Variants in LRRC71 observed in about 807,000 individuals in gnomAD.
The protein encoded by LRRC71 is leucine-rich repeat-containing protein 71.
LRRC71 carries 54 observed loss-of-function variants against 66.6 expected under a neutral mutation model. The observed-to-expected ratio is 0.81, with a 90% CI of 0.65 to 1.02. The LOEUF is 1.02. Ranked by LOEUF, LRRC71 falls within the 50% of genes least tolerant of loss-of-function variation. The pLI is 0.00. For synonymous variants in LRRC71, 323 were observed against 303.9 expected, an observed-to-expected ratio of 1.06 and a Z score of -0.65; for missense variants, 724 against 718.0, an observed-to-expected ratio of 1.01 and a Z score of -0.10.
chr1:156,936,113 C>A, downstream of LRRC71: 1 of 1,555,716 alleles, frequency 6.4e-7, no homozygotes, highest in Non-Finnish European at 8.9e-7. Flanking sequence ...ACCGCTTCCA[C>A]ATGTTTTGTC....
chr1:156,937,027 T>C (rs1655539909), downstream of LRRC71: 3 of 1,608,196 alleles, frequency 1.9e-6, no homozygotes, highest in Admixed American at 1.7e-5. Flanking sequence ...GGCGGGGGAA[T>C]GTCTGCTCGA....
At chr1:156,933,708 T>A (rs1292205300), downstream of LRRC71, among the ~76,000 whole-genome samples, 1 of 152,208 alleles carries the variant, frequency 6.6e-6, no homozygotes, top group Non-Finnish European at 1.5e-5. Flanking sequence ...GCTGCCTCCA[T>A]TGAGGTCACC....
chr1:156,921,096 T>C (rs972885177), intron 1 of LRRC71, 133 bp downstream of exon 1: 29 of 1,123,562 alleles, frequency 2.6e-5, no homozygotes, highest in Admixed American at 3.8e-5. Context: ...CTCGGCTTGA[T>C]AGATGTTTCA....
chr1:156,927,797 G>A lies in LRRC71; in HGVS notation c.887G>A (p.Gly296Asp), dbSNP rs1051574439. 4 of 1,613,226 alleles carry A rather than the reference G, an allele frequency of 2.5e-6. No individual in the cohort carries two copies. The highest frequency in any genetic ancestry group is 3.4e-6 in the Non-Finnish European group (4 of 1,179,744). The stretch of plus-strand genomic sequence containing the variant: ...GCCCACAACCGCATCCAGGACAAGG[G>A]CGCCCTGAAGCTGGCTGAGGTGGGT... ...SLAHNRIQDKGALKLAEVLRA... is the reference protein window; with the variant it reads ...SLAHNRIQDKDALKLAEVLRA... Residue 296 changes from glycine to aspartate, a missense_variant, in exon 8 of 15, where the codon GGC becomes GAC. Transcript: ENST00000337428.
chr1:156,938,577 G>C, the LRRC71 span: 3 of 1,529,632 alleles, frequency 2.0e-6, no homozygotes, highest in South Asian at 1.1e-5. Context: ...GGAAGGGAGA[G>C]AGAACAGGAA....
At chr1:156,930,686 A>AC in intron 12 of LRRC71, 69 bp downstream of exon 12, 1 of 1,399,310 alleles carries the variant, frequency 7.1e-7, no homozygotes, top group East Asian at 2.5e-5. Flanking sequence ...GAGACGTCTC[A>AC]CCCCAGCCCC....
intron 3 of LRRC71, 38 bp downstream of exon 3, chr1:156,924,590 C>G (rs770196563): frequency 2.6e-4 from 402 of 1,542,336 alleles, no homozygotes; most frequent in Admixed American, 3.7e-4. Context: ...AGCTCCCTCC[C>G]GCTCCCCTGG....
At chr1:156,938,532 C>T in the LRRC71 span, 1 of 1,610,006 alleles carries the variant, frequency 6.2e-7, no homozygotes, top group Non-Finnish European at 8.5e-7. Flanking sequence ...ACACCACCAC[C>T]ACCAGGAAGA....
At position 156,929,675 on chromosome 1, in the gene LRRC71, TC is replaced by T; in HGVS notation, c.1187del (p.Ser396TyrfsTer20). 6 of 1,586,568 alleles carry T rather than the reference TC, an allele frequency of 3.8e-6. No individual in the cohort carries two copies. Among genetic ancestry groups the T allele is most frequent in the Non-Finnish European group, 5.1e-6 (6 of 1,166,470 alleles). ...AGAGGAGAAGTTGGGGTCTGGGCAG[TC>T]ACCCACACAAGGAACCCCTAAGAAG... ...KKEEKLGSGQ[S>X]PTQGTPKKED... On this transcript the variant is annotated frameshift_variant, in exon 11 of 15. Transcript: ENST00000337428. LOFTEE classifies it high-confidence loss of function.
At chr1:156,937,379 T>G (rs370918950), downstream of LRRC71, 313 of 1,608,482 alleles carry the variant, frequency 1.9e-4, 1 homozygote, top group Middle Eastern at 1.5e-3. Flanking sequence ...CAGCTGAGGC[T>G]GAGGCTCTGT....
In LRRC71 at chr1:156,929,642, G is replaced by A; in HGVS notation, c.1153G>A (p.Ala385Thr). The change falls in exon 11 of 15, where the codon GCC becomes ACC. Residue 385 changes from alanine (A) to threonine (T), a missense_variant. Coordinates refer to ENST00000337428, the MANE Select transcript of LRRC71 (RefSeq NM_144702.3). Reference sequence around the variant, plus strand: ...CTTCTCACATTCTCCACAGGAATTGGCCAAGAAAGAGGAGAAGTTGGGGTC... The same window carrying A: ...CTTCTCACATTCTCCACAGGAATTGACCAAGAAAGAGGAGAAGTTGGGGTC... ...GKKKEKSWEL[A>T]KKEEKLGSGQ... is the part of the protein sequence containing the mutation. 1 of 1,584,302 alleles carries A rather than the reference G, an allele frequency of 6.3e-7. No individual in the cohort carries two copies. The highest frequency in any genetic ancestry group is 8.6e-7 in the Non-Finnish European group (1 of 1,165,292).
chr1:156,923,854 T>C, intron 1 of LRRC71, 95 bp from the exon 2 acceptor site: 5 of 1,270,136 alleles, frequency 3.9e-6, no homozygotes, highest in South Asian at 1.6e-5. Context: ...TGCAAAAATA[T>C]CCGTCTGAGG....
chr1:156,940,262 C>A, the LRRC71 span: 1 of 1,611,540 alleles, frequency 6.2e-7, no homozygotes, highest in Non-Finnish European at 8.5e-7. Context: ...CTGGGAAGGC[C>A]AAGTGGATGG....
chr1:156,929,111 C>G lies in LRRC71; in HGVS notation c.997-169C>G, dbSNP rs563018012. 3.3e-5 allele frequency among the ~76,000 whole-genome samples: 5 copies of G among 152,290 alleles called. No homozygotes were observed. The East Asian group carries it at 9.7e-4, about 29-fold the overall frequency. On this transcript the variant is annotated intron_variant, in intron 9 of 14. Transcript: ENST00000337428. ...CTGCTATTTCTTCCCGAAAGCATCTCACCCCAGAGGAGTCCTATACAAATT... is the reference window on the plus strand; with the variant it reads ...CTGCTATTTCTTCCCGAAAGCATCTGACCCCAGAGGAGTCCTATACAAATT...
At chr1:156,926,163 T>C (rs1316381275) in intron 5 of LRRC71, among the ~76,000 whole-genome samples, 1 of 152,224 alleles carries the variant, frequency 6.6e-6, no homozygotes, top group African/African-American at 2.4e-5. Context: ...AGGCTCATGT[T>C]GTAGTTATCT....
chr1:156,931,651 C>T (rs781479783), intron 12 of LRRC71, among the ~76,000 whole-genome samples: 13 of 152,138 alleles, frequency 8.5e-5, no homozygotes, highest in South Asian at 6.2e-4. Flanking sequence ...CCCTTCCTGG[C>T]CTGGCCTTTT....
downstream of LRRC71, among the ~76,000 whole-genome samples, chr1:156,937,751 G>T (rs1655795535): frequency 6.6e-6 from 1 of 152,186 alleles, no homozygotes. Context: ...AGGGAGAAGT[G>T]GCAGAGCTGC....
At chr1:156,932,779 A>T in intron 14 of LRRC71, 74 bp from the exon 15 acceptor site, 6 of 1,268,168 alleles carry the variant, frequency 4.7e-6, no homozygotes, top group Non-Finnish European at 6.6e-6. Flanking sequence ...CTGCCCCAGG[A>T]CCATTTTTTT....
intron 9 of LRRC71, among the ~76,000 whole-genome samples, chr1:156,928,501 TCC>T (rs1363597423): frequency 2.8e-5 from 4 of 141,210 alleles, no homozygotes; most frequent in African/African-American, 8.3e-5. Context: ...CTCTTCTTCC[TCC>T]TCCTCCTCCT....
Sources: allele counts gnomAD v4.1 joint callset (sites outside exome capture counted in the v4.1 genomes callset), GRCh38; gene constraint gnomAD v4.1.1; transcripts MANE v1.5; gene names NCBI Gene and HGNC (gene_info 2026-07-23, HGNC 2026-07-21).